The following CNTNAP5 variants were observed in gnomAD, a reference collection of about 807,000 sequenced individuals.
The protein encoded by CNTNAP5 is contactin associated protein family member 5.
Under a neutral mutation model 150.2 loss-of-function variants are expected in CNTNAP5, and 72 were observed. The observed-to-expected ratio is 0.48, with a 90% confidence interval of 0.40 to 0.58. The LOEUF is 0.58. Among genes scored for constraint, CNTNAP5 ranks in the 20% least tolerant of loss-of-function variants. CNTNAP5 has a pLI of 0.00. For missense variants in CNTNAP5, 1,636 were observed against 1,626.2 expected (o/e 1.01, Z -0.10); for synonymous variants, 672 against 619.8 (o/e 1.08, Z -1.25).
chr2:124,415,906 CA>C (rs537588154), intron 3 of CNTNAP5, among the ~76,000 whole-genome samples: 2 of 151,442 alleles, frequency 1.3e-5, no homozygotes, highest in Non-Finnish European at 2.9e-5. Flanking sequence ...TCATCTTCAG[CA>C]AAAAAAACCC....
chr2:124,727,786 G>A (rs989620987), intron 13 of CNTNAP5, among the ~76,000 whole-genome samples: 1 of 151,898 alleles, frequency 6.6e-6, no homozygotes, highest in Non-Finnish European at 1.5e-5. Flanking sequence ...CATTTTGGAT[G>A]TTTTTATTTC....
intron 13 of CNTNAP5, among the ~76,000 whole-genome samples, chr2:124,678,843 A>C (rs1573542427): frequency 6.6e-6 from 1 of 151,940 alleles, no homozygotes; most frequent in African/African-American, 2.4e-5. Flanking sequence ...CCAGAAGATA[A>C]ATTCTCTCAA....
At chr2:124,854,448 G>T (rs1364950651) in intron 19 of CNTNAP5, among the ~76,000 whole-genome samples, 1 of 152,036 alleles carries the variant, frequency 6.6e-6, no homozygotes, top group Non-Finnish European at 1.5e-5. Context: ...CCTATCTTTA[G>T]TACCAGGTTA....
At chr2:124,155,461 C>T (rs918882539) in intron 1 of CNTNAP5, among the ~76,000 whole-genome samples, 5 of 151,532 alleles carry the variant, frequency 3.3e-5, no homozygotes, top group Admixed American at 6.6e-5. Context: ...TGTGTGCGCG[C>T]GTGTGTGGTG....
At chr2:124,357,168 G>C (rs1329340262) in intron 3 of CNTNAP5, among the ~76,000 whole-genome samples, 1 of 151,986 alleles carries the variant, frequency 6.6e-6, no homozygotes, top group Non-Finnish European at 1.5e-5. Context: ...TTTTTTTCTT[G>C]TAAATTTGTT....
intron 3 of CNTNAP5, among the ~76,000 whole-genome samples, chr2:124,352,514 A>T (rs1689895262): frequency 6.6e-6 from 1 of 152,218 alleles, no homozygotes. Flanking sequence ...GAGTTTTCAG[A>T]GTCCTCGGTG....
chr2:124,171,219 C>G (rs1375013921), intron 1 of CNTNAP5, among the ~76,000 whole-genome samples: 1 of 152,178 alleles, frequency 6.6e-6, no homozygotes, highest in Admixed American at 6.5e-5. Context: ...TGCAAATGCT[C>G]TTTCTCTGTT....
chr2:124,151,644 G>A (rs1240836325), intron 1 of CNTNAP5, among the ~76,000 whole-genome samples: 1 of 152,158 alleles, frequency 6.6e-6, no homozygotes, highest in Non-Finnish European at 1.5e-5. Context: ...ACTGGCCTAA[G>A]GCCCTTAAGA....
intron 3 of CNTNAP5, among the ~76,000 whole-genome samples, chr2:124,393,566 T>A (rs1691172143): frequency 6.6e-6 from 1 of 152,236 alleles, no homozygotes; most frequent in South Asian, 2.1e-4. Flanking sequence ...CAGCCCCTAA[T>A]GCCAGGCAAC....
At chr2:124,877,118 A>T (rs1270290106) in intron 21 of CNTNAP5, among the ~76,000 whole-genome samples, 2 of 152,048 alleles carry the variant, frequency 1.3e-5, no homozygotes, top group Non-Finnish European at 2.9e-5. Flanking sequence ...ATGCAACAGG[A>T]ATGTGTGTTA....
intron 21 of CNTNAP5, among the ~76,000 whole-genome samples, chr2:124,892,466 T>A (rs570315985): frequency 6.6e-6 from 1 of 152,098 alleles, no homozygotes; most frequent in Non-Finnish European, 1.5e-5. Context: ...CACCTCATCA[T>A]GTAGCAAAGA....
intron 1 of CNTNAP5, among the ~76,000 whole-genome samples, chr2:124,190,568 GA>G (rs1685435203): frequency 6.6e-6 from 1 of 152,014 alleles, no homozygotes; most frequent in Non-Finnish European, 1.5e-5. Context: ...AATTTATGTA[GA>G]AAAAGAAAAC....
intron 2 of CNTNAP5, among the ~76,000 whole-genome samples, chr2:124,231,290 T>A (rs1330956347): frequency 1.3e-5 from 2 of 152,192 alleles, no homozygotes; most frequent in Non-Finnish European, 2.9e-5. Flanking sequence ...GAAGGAATTG[T>A]GTTGAAAACT....
In CNTNAP5 at chr2:124,826,906, G is replaced by A. The variant is rs574837360; in HGVS notation, c.3217+28586G>A. Among the ~76,000 whole-genome samples, 15 of 152,026 alleles carry A rather than the reference G, an allele frequency of 9.9e-5. No individual in the cohort carries two copies. In the South Asian group the frequency reaches 1.2e-3, roughly 13 times the overall value. ...TGGTTGTCAATAAGTAAGTATCTAC[G>A]AAAATTTTTTTCTTTTCTTTCTTTT... is the stretch of plus-strand genomic sequence containing the variant. On this transcript the variant is annotated intron_variant, in intron 19 of 23. Coordinates refer to ENST00000682447, the MANE Select transcript of CNTNAP5 (RefSeq NM_001367498.1).
chr2:124,038,574 A>C (rs1318059146), intron 1 of CNTNAP5, among the ~76,000 whole-genome samples: 5 of 152,214 alleles, frequency 3.3e-5, no homozygotes, highest in Admixed American at 1.3e-4. Flanking sequence ...TTAGCCTTTC[A>C]AGGAATGAAG....
chr2:124,850,405 C>T (rs1411353271), intron 19 of CNTNAP5, among the ~76,000 whole-genome samples: 1 of 151,934 alleles, frequency 6.6e-6, no homozygotes, highest in East Asian at 1.9e-4. Context: ...GGGAAGAGGG[C>T]CATGTGACAT....
intron 5 of CNTNAP5, among the ~76,000 whole-genome samples, chr2:124,436,180 A>T (rs373998408): frequency 2.6e-5 from 4 of 152,226 alleles, no homozygotes; most frequent in East Asian, 3.8e-4. Flanking sequence ...TATCAATAGT[A>T]AAGCGAGTGT....
chr2:124,679,124 G>T (rs1312371395), intron 13 of CNTNAP5, among the ~76,000 whole-genome samples: 1 of 151,816 alleles, frequency 6.6e-6, no homozygotes, highest in East Asian at 1.9e-4. Flanking sequence ...AGACAGGCAG[G>T]CATTGACAAG....
chr2:124,096,244 C>G (rs887278218), intron 1 of CNTNAP5, among the ~76,000 whole-genome samples: 2 of 152,084 alleles, frequency 1.3e-5, no homozygotes, highest in South Asian at 2.1e-4. Context: ...GATGAATAAC[C>G]TACTCTATTA....
Sources: gnomAD v4.1 joint callset for allele counts (sites outside exome capture counted in the v4.1 genomes callset) on GRCh38, gnomAD v4.1.1 for gene constraint, MANE v1.5 for transcripts, NCBI Gene and HGNC (gene_info 2026-07-23, HGNC 2026-07-21) for gene names.